Variants in PDXDC1 observed in about 807,000 individuals in gnomAD.
The protein encoded by PDXDC1 is pyridoxal dependent decarboxylase domain containing 1, also known as pyridoxal-dependent decarboxylase domain-containing protein 1.
In PDXDC1, 42 loss-of-function variants were observed where a neutral mutation model predicts 100.1. The ratio of observed to expected loss-of-function variants is 0.42; its 90% CI spans 0.33 to 0.54. The LOEUF is 0.54. Ranked by LOEUF, PDXDC1 falls within the 20% of genes least tolerant of loss-of-function variation. PDXDC1 has a pLI of 0.10. For missense variants in PDXDC1, 636 were observed against 979.2 expected (o/e 0.65, Z 4.68); for synonymous variants, 260 against 371.7 (o/e 0.70, Z 3.46).
In PDXDC1 at chr16:15,117,288, T is replaced by A. The variant is rs1473887493; in HGVS notation, c.1400-21591T>A. 6.0e-5 allele frequency among the ~76,000 whole-genome samples: 5 copies of A among 82,786 alleles called. No individual in the cohort carries two copies. The South Asian group carries it at 2.4e-3, about 39-fold the overall frequency. 54.3% of individuals were successfully genotyped at this position (82,786 alleles called of 152,430 possible). On this transcript the variant is annotated intron_variant, in intron 16 of 16. Coordinates refer to the PDXDC1 transcript ENST00000535621. ...TGTCTCAAATAAATAAATAAATAAA[T>A]AAAATAATGTAGATCTTGAAAGGGG...
At chr16:15,034,243 T>C (rs1255161753) in intron 19 of PDXDC1, 43 bp from the exon 20 acceptor site, 1 of 1,570,822 alleles carries the variant, frequency 6.4e-7, no homozygotes, top group Non-Finnish European at 8.7e-7. Context: ...GGGCCCCAGG[T>C]GAGAACCTTA....
chr16:15,144,970 G>T, the PDXDC1 span, among the ~76,000 whole-genome samples: 1 of 152,184 alleles, frequency 6.6e-6, no homozygotes, highest in East Asian at 1.9e-4. Context: ...CAGCTGACAT[G>T]GAGCCAGGCG....
chr16:15,038,626 G>A (rs2043658444), downstream of PDXDC1: 6 of 1,610,282 alleles, frequency 3.7e-6, no homozygotes, highest in East Asian at 2.2e-5. Flanking sequence ...ATGTGGAAAT[G>A]GTGTCCAGGA....
At chr16:15,004,140 T>C (rs772789955) in intron 4 of PDXDC1, 47 bp from the exon 5 acceptor site, 4 of 1,537,314 alleles carry the variant, frequency 2.6e-6, no homozygotes, top group East Asian at 4.6e-5. Flanking sequence ...CTAAGTTCTA[T>C]GTCCTTTTTT....
rs148217940 is a variant in PDXDC1 at position 15,074,810 on chromosome 16, C to T, written c.1399+44754C>T. ...TCGGCTACAGGATGCACCATCTGGTCGAGCCGTTCAGGACCAGCCTTTGTT... is the reference window on the plus strand; with the variant it reads ...TCGGCTACAGGATGCACCATCTGGTTGAGCCGTTCAGGACCAGCCTTTGTT... On this transcript the variant is annotated intron_variant, in intron 16 of 16. Coordinates refer to the PDXDC1 transcript ENST00000535621. 2.2e-5 allele frequency: 35 copies of T among 1,613,698 alleles called. No individual in the cohort carries two copies. Among genetic ancestry groups the T allele is most frequent in the African/African-American group, 1.1e-4 (8 of 74,882 alleles).
intron 1 of PDXDC1, chr16:14,989,457 G>C: frequency 6.2e-7 from 1 of 1,609,512 alleles, no homozygotes; most frequent in East Asian, 2.2e-5. Flanking sequence ...CTTCTCCAGG[G>C]TACTGGTGAA....
chr16:15,148,483 A>G, the PDXDC1 span, among the ~76,000 whole-genome samples: 1 of 145,398 alleles, frequency 6.9e-6, no homozygotes, highest in Admixed American at 7.2e-5. Flanking sequence ...TCCTCGGCTC[A>G]AGTGATGTCC....
intron 1 of PDXDC1, among the ~76,000 whole-genome samples, chr16:14,975,867 C>T (rs1966756368): frequency 6.6e-6 from 1 of 152,410 alleles, no homozygotes; most frequent in Non-Finnish European, 1.5e-5. Context: ...GGGCGAGAAC[C>T]TCTGAGTTCC....
intron 16 of PDXDC1, among the ~76,000 whole-genome samples, chr16:15,089,620 GA>G (rs890550198): frequency 6.6e-6 from 1 of 151,658 alleles, no homozygotes; most frequent in African/African-American, 2.4e-5. Flanking sequence ...CTAACATGGT[GA>G]AACCCCACCT....
downstream of PDXDC1, chr16:15,041,228 G>C: frequency 1.3e-6 from 1 of 765,984 alleles, no homozygotes. Context: ...CAGAAAGGGA[G>C]GAAAATTCCA....
chr16:15,049,810 A>C (rs2044228059), intron 16 of PDXDC1, among the ~76,000 whole-genome samples: 1 of 152,256 alleles, frequency 6.6e-6, no homozygotes, highest in Non-Finnish European at 1.5e-5. Context: ...CACAGCCACT[A>C]ACTGCACAGT....
At chr16:15,033,194 C>T (rs2043172127) in intron 18 of PDXDC1, 84 bp from the exon 19 acceptor site, 4 of 1,479,698 alleles carry the variant, frequency 2.7e-6, no homozygotes, top group Non-Finnish European at 3.8e-6. Context: ...TGTGTGTGGT[C>T]AGGACCCTGA....
chr16:15,136,302 C>T (rs1204590788), intron 16 of PDXDC1, among the ~76,000 whole-genome samples: 5 of 152,202 alleles, frequency 3.3e-5, no homozygotes, highest in South Asian at 2.1e-4. Flanking sequence ...CACCCACCCA[C>T]GGGGCCTGTG....
intron 1 of PDXDC1, among the ~76,000 whole-genome samples, chr16:14,977,265 CTTACTTT>C: frequency 7.6e-6 from 1 of 131,634 alleles, no homozygotes; most frequent in Non-Finnish European, 1.6e-5. Flanking sequence ...AACTATGGGA[CTTACTTT>C]TTTTTTTTTT....
chr16:15,125,165 A>G lies in PDXDC1; in HGVS notation c.1400-13714A>G, dbSNP rs1317686556. The G allele has an allele frequency of 2.4e-5, 13 of 547,302 alleles. No individual in the cohort carries two copies. In the East Asian group the frequency reaches 4.9e-4, roughly 21 times the overall value. The allele number at this position is 547,302 out of a possible 1,614,324, so 33.9% of individuals were successfully genotyped here. On this transcript the variant is annotated intron_variant, in intron 16 of 16. Coordinates refer to the PDXDC1 transcript ENST00000535621. ...AGACTCTGTCTCAAAAAAAAAAAAA[A>G]AAAAAAAAAAAAAAGAAGCCCTAGA...
chr16:15,093,954 T>A (rs2046244102), intron 16 of PDXDC1: 1 of 614,692 alleles, frequency 1.6e-6, no homozygotes, highest in African/African-American at 1.9e-5. Flanking sequence ...ATAGTCACTT[T>A]TCCAGGCCCC....
chr16:15,092,578 G>A, intron 16 of PDXDC1: 1 of 1,613,184 alleles, frequency 6.2e-7, no homozygotes, highest in Non-Finnish European at 8.5e-7. Flanking sequence ...GGGGAGAATT[G>A]AAAAAGTCAT....
At chr16:14,975,760 C>T (rs1966732930) in intron 1 of PDXDC1, 1 of 869,884 alleles carries the variant, frequency 1.1e-6, no homozygotes, top group African/African-American at 1.8e-5. Flanking sequence ...GGGTCAGAAC[C>T]TCTGGGGGCG....
intron 16 of PDXDC1, chr16:15,128,348 T>G (rs1172294616): frequency 1.1e-5 from 17 of 1,607,116 alleles, no homozygotes; most frequent in Non-Finnish European, 1.4e-5. Context: ...CCGCTCCGGC[T>G]GTCCACCCCA....
Sources: gnomAD v4.1 joint callset for allele counts (sites outside exome capture counted in the v4.1 genomes callset) on GRCh38, gnomAD v4.1.1 for gene constraint, MANE v1.5 for transcripts, NCBI Gene and HGNC (gene_info 2026-07-23, HGNC 2026-07-21) for gene names.